DRAP1: variants seen among roughly 807,000 people sequenced by gnomAD.
The protein encoded by DRAP1 is dr1-associated corepressor.
Under a neutral mutation model 24.1 loss-of-function variants are expected in DRAP1, and 10 were observed. That is an observed-to-expected ratio of 0.41 (90% CI 0.26 to 0.70). The LOEUF is 0.70. Ranked by LOEUF, DRAP1 falls within the 30% of genes least tolerant of loss-of-function variation. The pLI is 0.29. For missense variants in DRAP1, 264 were observed against 275.6 expected, an observed-to-expected ratio of 0.96 and a Z score of 0.30; for synonymous variants, 122 against 113.8, an observed-to-expected ratio of 1.07 and a Z score of -0.46.
Position 65,920,750 on chromosome 11 carries a change from A to G in DRAP1, c.423+88A>G, listed in dbSNP as rs1011805204. The G allele has an allele frequency of 8.4e-6, 12 of 1,425,952 alleles. No homozygotes were observed. The African/African-American group carries it at 2.0e-4, about 24-fold the overall frequency. 88.3% of individuals were successfully genotyped at this position (1,425,952 alleles called of 1,614,324 possible). On this transcript the variant is annotated intron_variant, in intron 5 of 6. Transcript: ENST00000312515. ...CTGAACTGGCAGGAGGCCAGCTCTC[A>G]TCCTTTTCTGCAACCTGTTTGCTCA...
intron 1 of DRAP1, 91 bp from the exon 2 acceptor site, chr11:65,919,689 G>GC: frequency 2.0e-6 from 3 of 1,502,926 alleles, no homozygotes; most frequent in Non-Finnish European, 2.7e-6. Flanking sequence ...CGTGTCCCCC[G>GC]CCCCCTTTCT....
In DRAP1 at chr11:65,919,561, C is replaced by A; in HGVS notation, c.42+18C>A. On this transcript the variant is annotated intron_variant, in intron 1 of 6. Transcript: ENST00000312515. ...TCCCGCCGGTGAGCACGTGGCAGAGCCCGGCAGGAGTGGGCCCGGCTCCCG... is the reference window on the plus strand; with the variant it reads ...TCCCGCCGGTGAGCACGTGGCAGAGACCGGCAGGAGTGGGCCCGGCTCCCG... 1.3e-6 allele frequency: 2 copies of A among 1,548,408 alleles called. No homozygotes were observed. The highest frequency in any genetic ancestry group is 1.7e-6 in the Non-Finnish European group (2 of 1,146,048).
At chr11:65,919,694 C>T (rs924529986) in intron 1 of DRAP1, 86 bp from the exon 2 acceptor site, 70 of 1,570,494 alleles carry the variant, frequency 4.5e-5, no homozygotes, top group Non-Finnish European at 6.0e-5. Flanking sequence ...CCCCCGCCCC[C>T]TTTCTCCGGG....
intron 4 of DRAP1, 31 bp from the exon 5 acceptor site, chr11:65,920,538 C>T (rs768309593): frequency 1.9e-6 from 3 of 1,607,730 alleles, no homozygotes; most frequent in African/African-American, 2.7e-5. Context: ...GTAGGGAGCA[C>T]TCCGGGCAGA....
intron 5 of DRAP1, 49 bp downstream of exon 5, chr11:65,920,711 A>G (rs1453421639): frequency 2.7e-6 from 4 of 1,458,336 alleles, no homozygotes; most frequent in Non-Finnish European, 3.6e-6. Context: ...TGGGACAGGC[A>G]GCCTCGCCCC....
rs866995853 is a variant in DRAP1 at position 65,921,488 on chromosome 11, G to T, written c.*53G>T. ...CTTTTAGTTGGTTTTAGTTGCTCTG[G>T]GGGGAGGAGAGAAGGTAGAGCTGTT... On this transcript the variant is annotated 3_prime_UTR_variant, in exon 7 of 7. Transcript: ENST00000312515. 4 of 845,258 alleles carry T rather than the reference G, an allele frequency of 4.7e-6. No individual in the cohort carries two copies. Among genetic ancestry groups the T allele is most frequent in the Non-Finnish European group, 7.8e-6 (4 of 516,078 alleles). The allele number at this position is 845,258 out of a possible 1,614,324, so 52.4% of individuals were successfully genotyped here.
At chr11:65,919,679 C>G in intron 1 of DRAP1, 101 bp from the exon 2 acceptor site, 1 of 1,534,812 alleles carries the variant, frequency 6.5e-7, no homozygotes, top group Non-Finnish European at 8.8e-7. Context: ...TCCCCGCGTC[C>G]GTGTCCCCCG....
At chr11:65,921,292 G>C (rs370121928) in intron 6 of DRAP1, 38 bp from the exon 7 acceptor site, 2 of 1,256,372 alleles carry the variant, frequency 1.6e-6, no homozygotes, top group African/African-American at 3.0e-5. Context: ...GGCACGGTGG[G>C]GCTCAGGCCT....
At chr11:65,921,105 G>T in intron 6 of DRAP1, 133 bp downstream of exon 6, 2 of 738,088 alleles carry the variant, frequency 2.7e-6, no homozygotes, top group Non-Finnish European at 4.3e-6. Flanking sequence ...ACTGAGGAGG[G>T]CTTGAAGGCA....
intron 2 of DRAP1, 32 bp from the exon 3 acceptor site, chr11:65,919,916 C>G: frequency 6.2e-7 from 1 of 1,613,666 alleles, no homozygotes; most frequent in Non-Finnish European, 8.5e-7. Context: ...GTCGCCCTCT[C>G]CTGCCCCGGA....
At chr11:65,919,632 T>TG (rs967389905) in intron 1 of DRAP1, 89 bp downstream of exon 1, 2 of 1,534,728 alleles carry the variant, frequency 1.3e-6, no homozygotes, top group African/African-American at 2.8e-5. Flanking sequence ...CGCGCCGCGG[T>TG]GTTCGGGGGC....
chr11:65,919,920 C>T (rs1565298012), intron 2 of DRAP1, 28 bp from the exon 3 acceptor site: 2 of 1,613,636 alleles, frequency 1.2e-6, no homozygotes, highest in Non-Finnish European at 8.5e-7. Flanking sequence ...CCCTCTCCTG[C>T]CCCGGAGTTC....
intron 1 of DRAP1, 97 bp downstream of exon 1, chr11:65,919,640 G>C (rs1457292665): frequency 1.1e-5 from 17 of 1,530,566 alleles, no homozygotes; most frequent in Non-Finnish European, 1.4e-5. Flanking sequence ...GGTGTTCGGG[G>C]GCCTGGACGC....
chr11:65,920,607 G>A lies in DRAP1; in HGVS notation c.368G>A (p.Gly123Glu), dbSNP rs1439528891. Residue 123 changes from glycine (G) to glutamate (E), a missense_variant, in exon 5 of 7, where the codon GGG (glycine) becomes GAG (glutamate). Transcript: ENST00000312515. ...GGCAGCGGCGGCCGGAAGAACGGTG[G>A]GATGGGAACGAAAAGCAAGGACAAG... is the stretch of plus-strand genomic sequence containing the variant. ...KPGSGGRKNG[G>E]MGTKSKDKKL... 1.9e-6 allele frequency: 3 copies of A among 1,558,062 alleles called. No individual in the cohort carries two copies. The highest frequency in any genetic ancestry group is 1.7e-4 in the Middle Eastern group (1 of 5,884).
chr11:65,921,130 C>G (rs184250227), intron 6 of DRAP1, 158 bp downstream of exon 6: 3 of 686,730 alleles, frequency 4.4e-6, no homozygotes, highest in African/African-American at 1.8e-5. Flanking sequence ...ACTGTTCTCC[C>G]GAAAGATCCT....
At chr11:65,919,578 C>T (rs1256198428) in intron 1 of DRAP1, 35 bp downstream of exon 1, 2 of 1,548,008 alleles carry the variant, frequency 1.3e-6, no homozygotes, top group African/African-American at 1.4e-5. Flanking sequence ...GGAGTGGGCC[C>T]GGCTCCCGGG....
chr11:65,921,058 G>A, intron 6 of DRAP1, 86 bp downstream of exon 6: 1 of 1,045,670 alleles, frequency 9.6e-7, no homozygotes, highest in East Asian at 2.7e-5. Context: ...CCTTGGTCTT[G>A]TTGATTGTGG....
Position 65,920,569 on chromosome 11 carries a change from G to A in DRAP1, c.330G>A (p.Arg110=), listed in dbSNP as rs776161439. ...GCAGATGGACTGTACCTTCCCAAAG[G>A]GGCCGGAAGCCAGGCAGCGGCGGCC... ...NHMDGDKGAR[R]GRKPGSGGRK... is the part of the protein sequence containing the mutation. The change falls in exon 5 of 7, where the codon AGG becomes AGA. Residue 110 remains arginine (R), a splice_region_variant and synonymous_variant. Transcript: ENST00000312515. 36 of 1,594,830 alleles carry A rather than the reference G, an allele frequency of 2.3e-5. No homozygotes were observed. The Admixed American group carries it at 6.1e-4, about 27-fold the overall frequency.
Position 65,919,478 on chromosome 11 carries a change from C to T in DRAP1, c.-24C>T, listed in dbSNP as rs1306713829. 10 of 1,531,790 alleles carry T rather than the reference C, an allele frequency of 6.5e-6. No homozygotes were observed. The East Asian group carries it at 7.9e-5, about 12-fold the overall frequency. The allele number at this position is 1,531,790 out of a possible 1,614,324, so 94.9% of individuals were successfully genotyped here. On this transcript the variant is annotated 5_prime_UTR_variant, in exon 1 of 7. Coordinates refer to ENST00000312515, the MANE Select transcript of DRAP1 (RefSeq NM_006442.4). ...AGGCTGCGGGCGGCGGCGCTGGACC[C>T]GACGCGGCGAGAGAGGCCCCGAGAT... is the stretch of plus-strand genomic sequence containing the variant.
Sources: allele counts gnomAD v4.1 joint callset, GRCh38; gene constraint gnomAD v4.1.1; transcripts MANE v1.5; gene names NCBI Gene and HGNC (gene_info 2026-07-23, HGNC 2026-07-21).